Variants in DIS3 observed in about 807,000 individuals in gnomAD.
DIS3 encodes the protein DIS3 exosome endoribonuclease and 3'-5' exoribonuclease.
DIS3 carries 103 observed loss-of-function variants against 113.0 expected under a neutral mutation model. That is an observed-to-expected ratio of 0.91 (90% CI 0.78 to 1.07). The LOEUF (loss-of-function observed/expected upper bound fraction) is 1.07. Ranked by LOEUF, DIS3 falls within the 50% of genes least tolerant of loss-of-function variation. The pLI is 0.00. For missense variants in DIS3, 1,121 were observed against 1,167.1 expected, an observed-to-expected ratio of 0.96 and a Z score of 0.58; for synonymous variants, 402 against 394.3, an observed-to-expected ratio of 1.02 and a Z score of -0.23.
Position 72,755,188 on chromosome 13 carries a change from C to G in DIS3, c.*4607G>C. 6.2e-7 allele frequency: 1 copy of G among 1,613,682 alleles called. No individual in the cohort carries two copies. The highest frequency in any genetic ancestry group is 8.5e-7 in the Non-Finnish European group (1 of 1,179,824). ...ACACAGAGGTGTTGGATGAAAACAGCAAGCCCTTTTCAATGCAGCAGTCCA... is the reference window on the plus strand; with the variant it reads ...ACACAGAGGTGTTGGATGAAAACAGGAAGCCCTTTTCAATGCAGCAGTCCA... On this transcript the variant is annotated 3_prime_UTR_variant, in exon 21 of 21. Coordinates refer to ENST00000377767, the MANE Select transcript of DIS3 (RefSeq NM_014953.5).
chr13:72,763,378 T>C, intron 16 of DIS3, 73 bp downstream of exon 16: 4 of 1,458,778 alleles, frequency 2.7e-6, no homozygotes, highest in South Asian at 1.3e-5. Flanking sequence ...TATGGAAATA[T>C]GAATATAAAT....
rs1216761629 is a variant in DIS3 at position 72,775,382 on chromosome 13, A to G, written c.823-7T>C. ...TAAGTCCCTGTAAGATTATCTGTTT[A>G]AAACAACAGAGGGCACGTGCCCAAA... On this transcript the variant is annotated splice_polypyrimidine_tract_variant and splice_region_variant and intron_variant, in intron 5 of 20. Transcript: ENST00000377767. 1 of 1,588,806 alleles carries G rather than the reference A, an allele frequency of 6.3e-7. No individual in the cohort carries two copies. Among genetic ancestry groups the G allele is most frequent in the East Asian group, 2.3e-5 (1 of 44,262 alleles).
rs1423796254 is a variant in DIS3 at position 72,755,190 on chromosome 13, A to G, written c.*4605T>C. On this transcript the variant is annotated 3_prime_UTR_variant, in exon 21 of 21. Coordinates refer to ENST00000377767, the MANE Select transcript of DIS3 (RefSeq NM_014953.5). ...ACAGAGGTGTTGGATGAAAACAGCA[A>G]GCCCTTTTCAATGCAGCAGTCCATA... is the stretch of plus-strand genomic sequence containing the variant. The G allele has an allele frequency of 2.4e-5, 38 of 1,613,672 alleles. No homozygotes were observed. The highest frequency in any genetic ancestry group is 3.0e-5 in the Non-Finnish European group (35 of 1,179,842).
In DIS3 at chr13:72,760,646, G is replaced by A. The variant is rs184942401; in HGVS notation, c.2676C>T (p.Pro892=). ...NPQLIYDDEI[P]SLKIEDTVFH... ...ACACTGTATCTTCTATTTTAAGTGA[G>A]GGTATCTAAACAAAACACATTTTAT... The change falls in exon 20 of 21, where the codon CCC becomes CCT. Residue 892 remains proline, a synonymous_variant. Coordinates refer to ENST00000377767, the MANE Select transcript of DIS3 (RefSeq NM_014953.5). The A allele has an allele frequency of 1.2e-6, 2 of 1,612,104 alleles. No homozygotes were observed. The highest frequency in any genetic ancestry group is 1.3e-5 in the African/African-American group (1 of 74,942).
In DIS3 at chr13:72,752,177, AGAGTTCTTTTATTTCCAGGCTGT is replaced by A. The variant is rs1282506161; in HGVS notation, c.*7595_*7617del. ...TTGCAATTAGAACCAAGTTTGAATT[AGAGTTCTTTTATTTCCAGGCTGT>A]GGGATCTTAAGGCAAGATTTACATA... is the stretch of plus-strand genomic sequence containing the variant. On this transcript the variant is annotated 3_prime_UTR_variant, in exon 21 of 21. Coordinates refer to ENST00000377767, the MANE Select transcript of DIS3 (RefSeq NM_014953.5). 7 of 152,252 alleles carry A rather than the reference AGAGTTCTTTTATTTCCAGGCTGT, an allele frequency of 4.6e-5. No individual in the cohort carries two copies. Among genetic ancestry groups the A allele is most frequent in the Admixed American group, 4.6e-4 (7 of 15,288 alleles). 9.4% of individuals were successfully genotyped at this position (152,252 alleles called of 1,614,324 possible).
chr13:72,776,689 G>A (rs1046696305), intron 4 of DIS3, among the ~76,000 whole-genome samples: 8 of 152,092 alleles, frequency 5.3e-5, no homozygotes, highest in Admixed American at 5.2e-4. Flanking sequence ...ACACTATGAA[G>A]TTATTATTGC....
intron 19 of DIS3, 85 bp from the exon 20 acceptor site, chr13:72,760,736 T>C: frequency 6.8e-7 from 1 of 1,470,474 alleles, no homozygotes; most frequent in Non-Finnish European, 9.1e-7. Flanking sequence ...TCTTACATAG[T>C]AGAAGTTTAA....
chr13:72,759,894 T>C lies in DIS3; in HGVS notation c.2794-16A>G. On this transcript the variant is annotated splice_polypyrimidine_tract_variant and intron_variant, in intron 20 of 20. Transcript: ENST00000377767. ...TTCCTGGTATCTAAAGTAATGCAAA[T>C]GGGGGGAAATAAGGTGATTTAAAGG... 1 of 1,591,618 alleles carries C rather than the reference T, an allele frequency of 6.3e-7. No homozygotes were observed. The highest frequency in any genetic ancestry group is 8.6e-7 in the Non-Finnish European group (1 of 1,161,070).
At position 72,755,969 on chromosome 13, in the gene DIS3, T is replaced by C. The variant is rs1324564306; in HGVS notation, c.*3826A>G. The C allele has an allele frequency of 2.5e-6, 1 of 398,316 alleles. No homozygotes were observed. Among genetic ancestry groups the C allele is most frequent in the Non-Finnish European group, 4.4e-6 (1 of 226,040 alleles). 24.7% of individuals were successfully genotyped at this position (398,316 alleles called of 1,614,324 possible). Reference sequence around the variant, plus strand: ...AATGTGGGAGAACCAAGAGAAAAAGTGGGGCTGGGAGAGTGGAGTTCCCGT... The same window carrying C: ...AATGTGGGAGAACCAAGAGAAAAAGCGGGGCTGGGAGAGTGGAGTTCCCGT... On this transcript the variant is annotated 3_prime_UTR_variant, in exon 21 of 21. Transcript: ENST00000377767.
rs1376753211 is a variant in DIS3 at position 72,758,261 on chromosome 13, T to C, written c.*1534A>G. 1.6e-5 allele frequency: 3 copies of C among 182,028 alleles called. No homozygotes were observed. Among genetic ancestry groups the C allele is most frequent in the East Asian group, 8.9e-5 (1 of 11,188 alleles). The allele number at this position is 182,028 out of a possible 1,614,324, so 11.3% of individuals were successfully genotyped here. ...ATAGGCTATCCCATATAGGATACCATAGGGTATACCATCTAGGTTTGTGTA... is the reference window on the plus strand; with the variant it reads ...ATAGGCTATCCCATATAGGATACCACAGGGTATACCATCTAGGTTTGTGTA... On this transcript the variant is annotated 3_prime_UTR_variant, in exon 21 of 21. Coordinates refer to ENST00000377767, the MANE Select transcript of DIS3 (RefSeq NM_014953.5).
Position 72,772,676 on chromosome 13 carries a change from A to G in DIS3, c.1386+17T>C, listed in dbSNP as rs779455205. 6.3e-7 allele frequency: 1 copy of G among 1,590,364 alleles called. No individual in the cohort carries two copies. The highest frequency in any genetic ancestry group is 2.2e-5 in the East Asian group (1 of 44,666). On this transcript the variant is annotated intron_variant, in intron 9 of 20. Coordinates refer to ENST00000377767, the MANE Select transcript of DIS3 (RefSeq NM_014953.5). ...TATAATAATTTATAAAGTCACTACA[A>G]ATTACTTTCAACTTACCTTTTCAGT...
At chr13:72,765,780 G>T (rs529236799) in intron 15 of DIS3, among the ~76,000 whole-genome samples, 192 bp downstream of exon 15, 23 of 152,186 alleles carry the variant, frequency 1.5e-4, no homozygotes, top group African/African-American at 5.5e-4. Context: ...TCTATTATGC[G>T]ACTAAACGCA....
chr13:72,765,703 C>CT (rs2033728433), intron 15 of DIS3, among the ~76,000 whole-genome samples: 3 of 152,242 alleles, frequency 2.0e-5, no homozygotes, highest in Admixed American at 2.0e-4. Context: ...TTATCTTACT[C>CT]TAACTATTAC....
chr13:72,779,528 C>T (rs1205796229), intron 2 of DIS3, among the ~76,000 whole-genome samples: 1 of 152,100 alleles, frequency 6.6e-6, no homozygotes, highest in Non-Finnish European at 1.5e-5. Context: ...TTCTGGATTT[C>T]AAGGAGGTAC....
rs184146771 is a variant in DIS3, at chr13:72,753,965, C to T, written c.*5830G>A. On this transcript the variant is annotated 3_prime_UTR_variant, in exon 21 of 21. Coordinates refer to ENST00000377767, the MANE Select transcript of DIS3 (RefSeq NM_014953.5). ...AGCCTGTTTTCTTAACATCCAATAA[C>T]CTTTAAATATTTTGGTTACTCTGAA... 3.6e-6 allele frequency: 3 copies of T among 839,208 alleles called. No individual in the cohort carries two copies. The highest frequency in any genetic ancestry group is 3.5e-5 in the African/African-American group (2 of 57,762). 52.0% of individuals were successfully genotyped at this position (839,208 alleles called of 1,614,324 possible). A position where few individuals can be genotyped will look rare whatever the true frequency, so the allele number is the denominator to read the frequency against.
rs746546609 is a variant in DIS3 at position 72,761,810 on chromosome 13, C to T, written c.2347G>A (p.Ala783Thr). Residue 783 changes from alanine (A) to threonine (T), a missense_variant, in exon 18 of 21, where the codon GCA becomes ACA. By Grantham distance (58) the Ala-to-Thr change is moderately conservative. Around this residue, in one of 3 missense-constraint regions of DIS3, gnomAD observed 861 missense variants for 915.5 expected, o/e 0.94. Transcript: ENST00000377767. The part of the protein sequence containing the change: ...THFTSPIRRY[A>T]DVIVHRLLAV... ...AAAAGCCGATGAACAATGACATCTG[C>T]GTATCTAGATAGATGGAAAAATAAG... 19 of 1,612,046 alleles carry T rather than the reference C, an allele frequency of 1.2e-5. No individual in the cohort carries two copies. The highest frequency in any genetic ancestry group is 3.3e-5 in the South Asian group (3 of 90,600).
rs1431011650 is a variant in DIS3, at chr13:72,753,192, A to G, written c.*6603T>C. ...TTGCTCTTTTGCACTGAAACAGTGT[A>G]TCTTAGGATGCTACAATTTTTATTA... is the stretch of plus-strand genomic sequence containing the variant. On this transcript the variant is annotated 3_prime_UTR_variant, in exon 21 of 21. Transcript: ENST00000377767. 1 of 152,532 alleles carries G rather than the reference A, an allele frequency of 6.6e-6. No homozygotes were observed. The highest frequency in any genetic ancestry group is 1.5e-5 in the Non-Finnish European group (1 of 68,302). The allele number at this position is 152,532 out of a possible 1,614,324, so 9.4% of individuals were successfully genotyped here.
Position 72,761,719 on chromosome 13 carries a change from A to G in DIS3, c.2438T>C (p.Ile813Thr), listed in dbSNP as rs1029344765. ...GTGCCGGAAATTTAGATTTTTACAT[A>G]TATCTGCAAGCTTGTGTTTGTCTGT... is the stretch of plus-strand genomic sequence containing the variant. Reference protein sequence around the residue: ...ELTDKHKLADICKNLNFRHKM... With the variant: ...ELTDKHKLADTCKNLNFRHKM... The change falls in exon 18 of 21, where the codon ATA (isoleucine) becomes ACA (threonine). Residue 813 changes from isoleucine to threonine, a missense_variant. Transcript: ENST00000377767. 19 of 1,613,646 alleles carry G rather than the reference A, an allele frequency of 1.2e-5. No homozygotes were observed. Among genetic ancestry groups the G allele is most frequent in the Admixed American group, 5.0e-5 (3 of 59,916 alleles).
intron 12 of DIS3, 38 bp downstream of exon 12, chr13:72,771,043 T>C (rs1566245781): frequency 6.2e-7 from 1 of 1,610,264 alleles, no homozygotes; most frequent in East Asian, 2.2e-5. Context: ...AAGTAGTAAA[T>C]ACAATGTCTT....
Sources: gnomAD v4.1 joint callset for allele counts (sites outside exome capture counted in the v4.1 genomes callset) on GRCh38, gnomAD v4.1.1 for gene constraint, gnomAD v4.1.1 regional missense constraint, MANE v1.5 for transcripts, NCBI Gene and HGNC (gene_info 2026-07-23, HGNC 2026-07-21) for gene names.